BRINP3: variants seen among roughly 807,000 people sequenced by gnomAD.
The protein encoded by BRINP3 is BMP/retinoic acid-inducible neural-specific protein 3.
Under a neutral mutation model 71.0 loss-of-function variants are expected in BRINP3, and 19 were observed. The observed-to-expected ratio is 0.27, with a 90% CI of 0.19 to 0.39. The LOEUF (loss-of-function observed/expected upper bound fraction) is 0.39. BRINP3 is among the 10% of genes least tolerant of loss of function. The probability of loss-of-function intolerance (pLI) is 1.00; values close to 1 mark genes in which losing one functional copy is unlikely to be tolerated. For missense variants in BRINP3, 959 were observed against 940.8 expected (o/e 1.02, Z -0.25); for synonymous variants, 380 against 337.7 (o/e 1.13, Z -1.37).
chr1:190,128,798 G>A (rs1654295745), intron 7 of BRINP3, among the ~76,000 whole-genome samples: 1 of 151,744 alleles, frequency 6.6e-6, no homozygotes, highest in African/African-American at 2.4e-5. Flanking sequence ...CATATGTGAT[G>A]AAAAGGGATA....
At chr1:190,115,717 A>C (rs1261516323) in intron 7 of BRINP3, among the ~76,000 whole-genome samples, 1 of 152,176 alleles carries the variant, frequency 6.6e-6, no homozygotes, top group Non-Finnish European at 1.5e-5. Flanking sequence ...GTATTTGCTT[A>C]GGACAGATAA....
At chr1:190,424,156 T>C (rs1327269171) in intron 2 of BRINP3, among the ~76,000 whole-genome samples, 1 of 151,740 alleles carries the variant, frequency 6.6e-6, no homozygotes, top group Non-Finnish European at 1.5e-5. Context: ...CTCCTGCCTC[T>C]TTCTACAAAA....
chr1:190,460,809 A>G (rs1676343023), intron 1 of BRINP3, among the ~76,000 whole-genome samples: 1 of 152,186 alleles, frequency 6.6e-6, no homozygotes, highest in South Asian at 2.1e-4. Flanking sequence ...TTAAGCCTAA[A>G]CATGACTTTG....
chr1:190,141,932 G>A (rs1001695186), intron 7 of BRINP3, among the ~76,000 whole-genome samples: 2 of 151,878 alleles, frequency 1.3e-5, no homozygotes, highest in African/African-American at 2.4e-5. Flanking sequence ...TAGTTAATGT[G>A]AGGATCAAAA....
intron 6 of BRINP3, among the ~76,000 whole-genome samples, chr1:190,199,335 C>T (rs1188223393): frequency 6.6e-6 from 1 of 152,030 alleles, no homozygotes; most frequent in Non-Finnish European, 1.5e-5. Flanking sequence ...CCATTTTATT[C>T]TCTCATTCCA....
chr1:190,160,538 T>C (rs558964357), intron 7 of BRINP3, 130 bp downstream of exon 7: 182 of 684,512 alleles, frequency 2.7e-4, no homozygotes, highest in African/African-American at 2.5e-3. Context: ...AATATATTGT[T>C]TTCAAATTAT....
intron 2 of BRINP3, among the ~76,000 whole-genome samples, chr1:190,335,608 T>C (rs944946068): frequency 4.6e-5 from 7 of 151,854 alleles, no homozygotes; most frequent in African/African-American, 1.7e-4. Flanking sequence ...CCCAAATGGA[T>C]GTTCAGACAT....
intron 2 of BRINP3, among the ~76,000 whole-genome samples, chr1:190,380,428 A>G (rs1464617668): frequency 6.6e-6 from 1 of 152,190 alleles, no homozygotes; most frequent in African/African-American, 2.4e-5. Context: ...GAAGATGTCA[A>G]CAAAGTAGAT....
At chr1:190,447,668 C>T (rs556429208) in intron 2 of BRINP3, among the ~76,000 whole-genome samples, 5 of 150,008 alleles carry the variant, frequency 3.3e-5, no homozygotes, top group South Asian at 4.2e-4. Context: ...ACACTTCTGA[C>T]GTATGTTATA....
intron 2 of BRINP3, among the ~76,000 whole-genome samples, chr1:190,355,199 T>C (rs183804176): frequency 6.6e-5 from 10 of 151,990 alleles, no homozygotes; most frequent in African/African-American, 2.4e-4. Context: ...TGCTAAATAT[T>C]CCAACACTGG....
rs12061525 is a variant in BRINP3, at chr1:190,408,066, G to C, written c.236+46589C>G. On this transcript the variant is annotated intron_variant, in intron 2 of 7. Transcript: ENST00000367462. ...AGATGGAGTCTCGCTCTGTTGCCCA[G>C]GCTGGAGTGCAGTGGCACGATCTCG... Among the ~76,000 whole-genome samples, 646 of 117,158 alleles carry C rather than the reference G, an allele frequency of 5.5e-3. 5 individuals carry two copies. The highest frequency in any genetic ancestry group is 0.02 in the African/African-American group (608 of 30,988). 76.9% of individuals were successfully genotyped at this position (117,158 alleles called of 152,430 possible).
chr1:190,102,778 T>C (rs1461339948), intron 7 of BRINP3, among the ~76,000 whole-genome samples: 1 of 152,064 alleles, frequency 6.6e-6, no homozygotes, highest in African/African-American at 2.4e-5. Context: ...TTCAAGGATA[T>C]AGAGAATCTT....
At chr1:190,386,820 C>T (rs920599753) in intron 2 of BRINP3, among the ~76,000 whole-genome samples, 2 of 152,026 alleles carry the variant, frequency 1.3e-5, no homozygotes, top group Non-Finnish European at 2.9e-5. Flanking sequence ...GCTTACAACT[C>T]ATATTGCTAG....
At chr1:190,112,860 C>G (rs1652807042) in intron 7 of BRINP3, among the ~76,000 whole-genome samples, 2 of 151,992 alleles carry the variant, frequency 1.3e-5, no homozygotes, top group Non-Finnish European at 2.9e-5. Flanking sequence ...CAGGAAAGAA[C>G]CCAGGATTAA....
intron 1 of BRINP3, among the ~76,000 whole-genome samples, chr1:190,462,840 G>A (rs1464776045): frequency 2.0e-5 from 3 of 151,954 alleles, no homozygotes; most frequent in Non-Finnish European, 4.4e-5. Context: ...GGTCACCTTT[G>A]CATAAAATAA....
In BRINP3 at chr1:190,265,271, G is replaced by A. The variant is rs139824853; in HGVS notation, c.428-216C>T. ...CACTTTAAACACGTAGTTACTGAAT[G>A]TCAGATATTTAGCTTTTGCAGAACA... On this transcript the variant is annotated intron_variant, in intron 3 of 7. Transcript: ENST00000367462. Among the ~76,000 whole-genome samples the A allele has an allele frequency of 5.5e-3, 830 of 152,026 alleles. 6 individuals are homozygous for A. The highest frequency in any genetic ancestry group is 0.018 in the African/African-American group (759 of 41,476).
At chr1:190,158,543 C>A (rs1350479219) in intron 7 of BRINP3, among the ~76,000 whole-genome samples, 1 of 151,908 alleles carries the variant, frequency 6.6e-6, no homozygotes, top group African/African-American at 2.4e-5. Flanking sequence ...ATCAATCATA[C>A]CTCAAACCTC....
chr1:190,185,992 T>C (rs1438335581), intron 6 of BRINP3, among the ~76,000 whole-genome samples: 1 of 152,180 alleles, frequency 6.6e-6, no homozygotes, highest in Non-Finnish European at 1.5e-5. Context: ...TCTGACACCA[T>C]ACATTATATT....
At chr1:190,156,831 C>G (rs892083129) in intron 7 of BRINP3, among the ~76,000 whole-genome samples, 11 of 152,012 alleles carry the variant, frequency 7.2e-5, no homozygotes, top group Admixed American at 5.3e-4. Flanking sequence ...GCAAATATTA[C>G]ACTTCTATTT....
Sources: allele counts gnomAD v4.1 joint callset (sites outside exome capture counted in the v4.1 genomes callset), GRCh38; gene constraint gnomAD v4.1.1; transcripts MANE v1.5; gene names NCBI Gene and HGNC (gene_info 2026-07-23, HGNC 2026-07-21).